Variants in PTPN12 observed in about 807,000 individuals in gnomAD.
PTPN12 encodes protein tyrosine phosphatase non-receptor type 12.
In PTPN12, 29 loss-of-function variants were observed where a neutral mutation model predicts 97.6. The observed-to-expected ratio is 0.30, with a 90% CI of 0.22 to 0.41. The LOEUF is 0.41. Among genes scored for constraint, PTPN12 ranks in the 10% least tolerant of loss-of-function variants. PTPN12 has a pLI of 1.00. For synonymous variants in PTPN12, 327 were observed against 300.4 expected, an observed-to-expected ratio of 1.09 and a Z score of -0.91; for missense variants, 819 against 926.0, an observed-to-expected ratio of 0.88 and a Z score of 1.50.
rs776825624 is a variant in PTPN12 at position 77,627,349 on chromosome 7, A to G, written c.1670A>G (p.Asp557Gly). The change falls in exon 13 of 18, where the codon GAT (aspartate) becomes GGT (glycine). Residue 557 changes from aspartate (D) to glycine (G), a missense_variant. By Grantham distance (94) the Asp-to-Gly change is moderately conservative (BLOSUM62 -1). Coordinates refer to ENST00000248594, the MANE Select transcript of PTPN12 (RefSeq NM_002835.4). ...IPDLSEGNSS[D>G]INYQTRKTVS... ...GATTTATCTGAAGGCAATTCCTCAG[A>G]TATCAACTATCAAACTAGGAAAACT... 6.8e-6 allele frequency: 11 copies of G among 1,614,152 alleles called. No homozygotes were observed. Among genetic ancestry groups the G allele is most frequent in the Admixed American group, 5.0e-5 (3 of 60,024 alleles).
intron 5 of PTPN12, among the ~76,000 whole-genome samples, chr7:77,589,870 A>G (rs1401091035): frequency 6.6e-6 from 1 of 152,238 alleles, no homozygotes; most frequent in African/African-American, 2.4e-5. Context: ...TAGTAAGCTC[A>G]TAGTATGTAT....
Position 77,564,249 on chromosome 7 carries a change from G to A in PTPN12, c.100-6829G>A, listed in dbSNP as rs79919150. The A allele has an allele frequency of 8.2e-3, 1,269 of 155,314 alleles. 23 individuals are homozygous for A. The highest frequency in any genetic ancestry group is 0.029 in the African/African-American group (1,226 of 41,580). 9.6% of individuals were successfully genotyped at this position (155,314 alleles called of 1,614,324 possible). A position where few individuals can be genotyped will look rare whatever the true frequency, so the allele number is the denominator to read the frequency against. On this transcript the variant is annotated intron_variant, in intron 1 of 17. Coordinates refer to ENST00000248594, the MANE Select transcript of PTPN12 (RefSeq NM_002835.4). ...AATAGTGATAATACAGTGTTACTTT[G>A]AGATAGTATAGTGTTACTTTGGCTG...
chr7:77,588,326 CT>C (rs1562731465), intron 5 of PTPN12, among the ~76,000 whole-genome samples: 2 of 151,982 alleles, frequency 1.3e-5, no homozygotes, highest in Non-Finnish European at 2.9e-5. Flanking sequence ...AATATTGTGT[CT>C]CAGGAAATAG....
chr7:77,555,214 T>G (rs1807653098), intron 1 of PTPN12, among the ~76,000 whole-genome samples: 2 of 151,762 alleles, frequency 1.3e-5, no homozygotes, highest in African/African-American at 4.9e-5. Flanking sequence ...AACGATTTGT[T>G]TATCTTTTTT....
intron 14 of PTPN12, among the ~76,000 whole-genome samples, chr7:77,633,171 G>T (rs751489670): frequency 2.0e-5 from 3 of 152,096 alleles, no homozygotes; most frequent in Non-Finnish European, 4.4e-5. Flanking sequence ...TTGGGAGACT[G>T]AGGCAGGAGA....
intron 6 of PTPN12, among the ~76,000 whole-genome samples, chr7:77,594,278 A>G (rs904422045): frequency 1.3e-5 from 2 of 152,142 alleles, no homozygotes; most frequent in African/African-American, 4.8e-5. Context: ...CCCGGGCAAA[A>G]TAGTGAGACA....
chr7:77,596,078 C>G (rs2151352894), intron 6 of PTPN12, among the ~76,000 whole-genome samples: 1 of 152,214 alleles, frequency 6.6e-6, no homozygotes, highest in South Asian at 2.1e-4. Flanking sequence ...GTGGTTGGTA[C>G]TGAGGAATGA....
intron 9 of PTPN12, among the ~76,000 whole-genome samples, chr7:77,607,669 A>G (rs1312114442): frequency 6.6e-6 from 1 of 152,218 alleles, no homozygotes; most frequent in African/African-American, 2.4e-5. Context: ...GAACAATGTG[A>G]CAGTGTTCTA....
intron 1 of PTPN12, among the ~76,000 whole-genome samples, chr7:77,567,305 A>G (rs1808305266): frequency 6.6e-6 from 1 of 152,150 alleles, no homozygotes; most frequent in Admixed American, 6.5e-5. Context: ...TTCTCTTTAT[A>G]TATTTATCAT....
intron 1 of PTPN12, among the ~76,000 whole-genome samples, chr7:77,545,259 G>C (rs538282674): frequency 2.0e-5 from 3 of 152,136 alleles, no homozygotes; most frequent in African/African-American, 4.8e-5. Context: ...TTCTCTACTT[G>C]CCTCTAGTTT....
intron 1 of PTPN12, 78 bp downstream of exon 1, chr7:77,537,723 TG>T: frequency 6.8e-7 from 1 of 1,466,444 alleles, no homozygotes; most frequent in Non-Finnish European, 9.2e-7. Flanking sequence ...GGGCCGCCAG[TG>T]CTTTGTGTAC....
At chr7:77,539,689 C>T (rs1806857980) in intron 1 of PTPN12, among the ~76,000 whole-genome samples, 3 of 151,976 alleles carry the variant, frequency 2.0e-5, no homozygotes, top group Non-Finnish European at 4.4e-5. Context: ...AGTGCAGCGG[C>T]GCAATCTCAG....
At chr7:77,576,991 G>A (rs951530670) in intron 2 of PTPN12, among the ~76,000 whole-genome samples, 3 of 152,204 alleles carry the variant, frequency 2.0e-5, no homozygotes, top group African/African-American at 7.2e-5. Flanking sequence ...ACAGGGTTTG[G>A]TGTGTCATTG....
rs1363973971 is a variant in PTPN12 at position 77,626,820 on chromosome 7, T to A, written c.1141T>A (p.Trp381Arg). 1 of 1,614,132 alleles carries A rather than the reference T, an allele frequency of 6.2e-7. No individual in the cohort carries two copies. Among genetic ancestry groups the A allele is most frequent in the South Asian group, 1.1e-5 (1 of 91,084 alleles). The change falls in exon 13 of 18, where the codon TGG becomes AGG. Residue 381 changes from tryptophan to arginine, a missense_variant. Coordinates refer to ENST00000248594, the MANE Select transcript of PTPN12 (RefSeq NM_002835.4). ...AGCTTTTCCAACAGTCACTACTGTG[T>A]GGCAGGACAATGATAGATACCATCC... Reference protein sequence around the residue: ...PSAFPTVTTVWQDNDRYHPKP... With the variant: ...PSAFPTVTTVRQDNDRYHPKP...
At chr7:77,600,291 ATTAG>A (rs1368203093) in intron 7 of PTPN12, among the ~76,000 whole-genome samples, 6 of 152,302 alleles carry the variant, frequency 3.9e-5, no homozygotes, top group African/African-American at 1.4e-4. Context: ...AATAGTGTAG[ATTAG>A]TTAAATAGTA....
chr7:77,612,727 G>A (rs561527871), intron 11 of PTPN12, among the ~76,000 whole-genome samples: 43 of 151,114 alleles, frequency 2.8e-4, no homozygotes, highest in African/African-American at 9.2e-4. Flanking sequence ...ATGAGCCACC[G>A]CGCCCGGCCT....
At chr7:77,610,732 C>T (rs745555442) in intron 9 of PTPN12, 33 bp from the exon 10 acceptor site, 1 of 1,548,730 alleles carries the variant, frequency 6.5e-7, no homozygotes, top group Admixed American at 2.0e-5. Flanking sequence ...TGAATAGATA[C>T]ACAAAGTTGA....
intron 1 of PTPN12, among the ~76,000 whole-genome samples, chr7:77,556,994 G>A (rs554650882): frequency 7.2e-5 from 11 of 151,726 alleles, no homozygotes; most frequent in South Asian, 6.3e-4. Context: ...TTTTTAGAGC[G>A]GTCTCGCTGT....
chr7:77,614,757 G>C (rs1788694487), intron 11 of PTPN12, among the ~76,000 whole-genome samples: 1 of 152,110 alleles, frequency 6.6e-6, no homozygotes, highest in Non-Finnish European at 1.5e-5. Context: ...AATCATCTTA[G>C]AACTGTGTGG....
Sources: allele counts gnomAD v4.1 joint callset (sites outside exome capture counted in the v4.1 genomes callset), GRCh38; gene constraint gnomAD v4.1.1; transcripts MANE v1.5; gene names NCBI Gene and HGNC (gene_info 2026-07-23, HGNC 2026-07-21).